PPP1R37: variants seen among roughly 807,000 people sequenced by gnomAD.
PPP1R37 encodes protein phosphatase 1 regulatory subunit 37.
In PPP1R37, 21 loss-of-function variants were observed where a neutral mutation model predicts 61.0. The ratio of observed to expected loss-of-function variants is 0.34; its 90% CI spans 0.24 to 0.50. The LOEUF is 0.50. PPP1R37 is among the 20% of genes least tolerant of loss of function. The pLI is 0.98. For synonymous variants in PPP1R37, 443 were observed against 433.5 expected (o/e 1.02, Z -0.27); for missense variants, 910 against 952.7 (o/e 0.96, Z 0.59).
chr19:45,115,087 A>G (rs1968249038), intron 1 of PPP1R37, among the ~76,000 whole-genome samples: 1 of 152,184 alleles, frequency 6.6e-6, no homozygotes, highest in Non-Finnish European at 1.5e-5. Flanking sequence ...CCAGTCCTGT[A>G]CTGGGGACAC....
At chr19:45,133,172 C>T (rs1968499554) in intron 1 of PPP1R37, among the ~76,000 whole-genome samples, 2 of 152,174 alleles carry the variant, frequency 1.3e-5, no homozygotes, top group South Asian at 4.1e-4. Flanking sequence ...CCACCTCCAC[C>T]TCCCGGGTTC....
intron 1 of PPP1R37, among the ~76,000 whole-genome samples, chr19:45,137,160 C>G (rs1462799761): frequency 6.6e-6 from 1 of 152,128 alleles, no homozygotes; most frequent in East Asian, 1.9e-4. Flanking sequence ...CCAGTCCTGA[C>G]CTCTCCCTCT....
chr19:45,140,399 G>A (rs1167574957), intron 3 of PPP1R37, 107 bp from the exon 4 acceptor site: 2 of 1,261,352 alleles, frequency 1.6e-6, no homozygotes, highest in Non-Finnish European at 1.1e-6. Context: ...CTCAGCCAGG[G>A]CAGGGGCTGG....
chr19:45,128,736 C>CA, intron 1 of PPP1R37: 1 of 793,802 alleles, frequency 1.3e-6, no homozygotes, highest in Non-Finnish European at 2.1e-6. Context: ...CGTCAAGGTC[C>CA]ACCTGGTTGG....
chr19:45,102,267 C>T (rs1265511462), intron 1 of PPP1R37, among the ~76,000 whole-genome samples: 4 of 152,334 alleles, frequency 2.6e-5, no homozygotes, highest in East Asian at 3.9e-4. Flanking sequence ...TTCTAAAACA[C>T]GTCTGGCCCA....
chr19:45,125,011 C>T (rs893140258), intron 1 of PPP1R37, among the ~76,000 whole-genome samples: 5 of 152,172 alleles, frequency 3.3e-5, no homozygotes, highest in South Asian at 2.1e-4. Flanking sequence ...AGAGGCAAGA[C>T]GGAATTCTCC....
intron 4 of PPP1R37, 154 bp downstream of exon 4, chr19:45,140,760 C>T: frequency 1.6e-6 from 1 of 619,500 alleles, no homozygotes; most frequent in South Asian, 1.9e-5. Context: ...AAGAGGGAGA[C>T]ATCCAATATG....
chr19:45,143,625 A>G lies in PPP1R37; in HGVS notation c.979A>G (p.Met327Val), dbSNP rs1004177015. 20 of 1,530,848 alleles carry G rather than the reference A, an allele frequency of 1.3e-5. No homozygotes were observed. Among genetic ancestry groups the G allele is most frequent in the Admixed American group, 3.9e-5 (2 of 50,976 alleles). The allele number at this position is 1,530,848 out of a possible 1,614,324, so 94.8% of individuals were successfully genotyped here. A position where few individuals can be genotyped will look rare whatever the true frequency, so the allele number is the denominator to read the frequency against. Residue 327 changes from methionine to valine, a missense_variant, in exon 8 of 13, where the codon ATG becomes GTG. Transcript: ENST00000221462. ...GCACACAGGCATGGCCTTCCTGGGC[A>G]TGACACTGGTGAGTCAGGCTGGCAG... ...LTHTGMAFLG[M>V]TLPHTQSLET...
At chr19:45,115,497 G>A (rs1298113209) in intron 1 of PPP1R37, among the ~76,000 whole-genome samples, 1 of 152,184 alleles carries the variant, frequency 6.6e-6, no homozygotes, top group Non-Finnish European at 1.5e-5. Flanking sequence ...TTGGCTAAGA[G>A]TGAGGATTGT....
rs541942200 is a variant in PPP1R37, at chr19:45,145,089, C to T, written c.1130-5C>T. 6.5e-6 allele frequency: 10 copies of T among 1,532,466 alleles called. No individual in the cohort carries two copies. Among genetic ancestry groups the T allele is most frequent in the African/African-American group, 5.5e-5 (4 of 72,698 alleles). The allele number at this position is 1,532,466 out of a possible 1,614,324, so 94.9% of individuals were successfully genotyped here. ...CCGTGGCCAGCCCCTGCGGTGCCCC[C>T]CCAGGCGCGGTGGCGGTGGCGGAGT... is the stretch of plus-strand genomic sequence containing the variant. On this transcript the variant is annotated splice_polypyrimidine_tract_variant and splice_region_variant and intron_variant, in intron 9 of 12. Coordinates refer to ENST00000221462, the MANE Select transcript of PPP1R37 (RefSeq NM_019121.2).
chr19:45,119,263 T>C (rs900047365), intron 1 of PPP1R37, among the ~76,000 whole-genome samples: 2 of 152,070 alleles, frequency 1.3e-5, no homozygotes, highest in Non-Finnish European at 2.9e-5. Flanking sequence ...CAAGCGATTC[T>C]CCTGCCTCAG....
Position 45,142,359 on chromosome 19 carries a change from C to T in PPP1R37, c.775C>T (p.Leu259Phe), listed in dbSNP as rs1261595334. ...GGAGCTGTACCTGGCGGACAACAAG[C>T]TCAACGGCCTGCAGGACTCGGCCCA... ...LRELYLADNK[L>F]NGLQDSAQLG... The change falls in exon 7 of 13, where the codon CTC becomes TTC. Residue 259 changes from leucine (L) to phenylalanine (F), a missense_variant. Leu to Phe is a conservative substitution (Grantham distance 22). Coordinates refer to ENST00000221462, the MANE Select transcript of PPP1R37 (RefSeq NM_019121.2). The T allele has an allele frequency of 2.0e-6, 3 of 1,536,104 alleles. No individual in the cohort carries two copies. Among genetic ancestry groups the T allele is most frequent in the East Asian group, 2.4e-5 (1 of 40,924 alleles).
chr19:45,101,343 G>T lies in PPP1R37; in HGVS notation c.202+7816G>T, dbSNP rs529595271. Among the ~76,000 whole-genome samples, 618 of 152,314 alleles carry T rather than the reference G, an allele frequency of 4.1e-3. 3 individuals carry two copies. The highest frequency in any genetic ancestry group is 0.014 in the African/African-American group (593 of 41,568). Reference sequence around the variant, plus strand: ...AGTTGAGGTAGAGGCAGGCTGGTCAGAGGTGAGGCTGGAGGAGGCAGGAGA... The same window carrying T: ...AGTTGAGGTAGAGGCAGGCTGGTCATAGGTGAGGCTGGAGGAGGCAGGAGA... On this transcript the variant is annotated intron_variant, in intron 1 of 12. Transcript: ENST00000221462.
intron 1 of PPP1R37, 25 bp downstream of exon 1, chr19:45,093,552 G>GCGGGCTCGAGAGGGACC: frequency 6.6e-7 from 1 of 1,522,288 alleles, no homozygotes; most frequent in Non-Finnish European, 8.8e-7. Context: ...TGAAGCGGGG[G>GCGGGCTCGAGAGGGACC]CGGGCTCGAG....
chr19:45,136,803 G>A (rs965542546), intron 1 of PPP1R37: 3 of 152,246 alleles, frequency 2.0e-5, no homozygotes, highest in South Asian at 4.1e-4. Context: ...GAGTCCCAGG[G>A]TCTGATGTTA....
At chr19:45,111,595 T>G (rs1009272882) in intron 1 of PPP1R37, among the ~76,000 whole-genome samples, 1 of 152,174 alleles carries the variant, frequency 6.6e-6, no homozygotes, top group Non-Finnish European at 1.5e-5. Flanking sequence ...TCTTGGCATA[T>G]GGAATATGTA....
intron 5 of PPP1R37, among the ~76,000 whole-genome samples, 164 bp from the exon 6 acceptor site, chr19:45,141,897 T>C (rs1439383254): frequency 1.3e-5 from 2 of 151,998 alleles, no homozygotes; most frequent in Non-Finnish European, 2.9e-5. Context: ...TTACCCCCAT[T>C]GTAAAACAAG....
chr19:45,097,254 T>C (rs994434111), intron 1 of PPP1R37, among the ~76,000 whole-genome samples: 5 of 151,638 alleles, frequency 3.3e-5, no homozygotes, highest in Non-Finnish European at 7.4e-5. Flanking sequence ...GGGGTGTCAT[T>C]TGAGCTGTGG....
chr19:45,111,852 T>A (rs1190335588), intron 1 of PPP1R37, among the ~76,000 whole-genome samples: 2 of 152,182 alleles, frequency 1.3e-5, no homozygotes, highest in African/African-American at 2.4e-5. Flanking sequence ...GTGGCCTTTT[T>A]AAAAGTTTTA....
Sources: gnomAD v4.1 joint callset for allele counts (sites outside exome capture counted in the v4.1 genomes callset) on GRCh38, gnomAD v4.1.1 for gene constraint, MANE v1.5 for transcripts, NCBI Gene and HGNC (gene_info 2026-07-23, HGNC 2026-07-21) for gene names.